The following YLPM1 variants were observed in gnomAD, a reference collection of about 807,000 sequenced individuals.
YLPM1 encodes YLP motif-containing protein 1.
A neutral mutation model predicts 230.0 loss-of-function variants in YLPM1; 99 were observed. That is an observed-to-expected ratio of 0.43 (90% CI 0.37 to 0.51). YLPM1 has a LOEUF of 0.51. Ranked by LOEUF, YLPM1 falls within the 20% of genes least tolerant of loss-of-function variation. The pLI is 0.00. For synonymous variants in YLPM1, 984 were observed against 942.5 expected (o/e 1.04, Z -0.81); for missense variants, 2,592 against 2,707.7 (o/e 0.96, Z 0.95).
chr14:74,816,921 G>A lies in YLPM1; in HGVS notation c.5686-10G>A. 6.5e-7 allele frequency: 1 copy of A among 1,547,368 alleles called. No homozygotes were observed. Among genetic ancestry groups the A allele is most frequent in the Non-Finnish European group, 8.7e-7 (1 of 1,152,590 alleles). ...TTTGCTAATTCCATATCTCTTTTGG[G>A]GGACCTTAGGTAATGGAATATGAAT... On this transcript the variant is annotated splice_polypyrimidine_tract_variant and intron_variant, in intron 13 of 20. Coordinates refer to ENST00000325680, the MANE Select transcript of YLPM1 (RefSeq NM_019589.3).
intron 1 of YLPM1, among the ~76,000 whole-genome samples, chr14:74,764,817 C>G (rs1417699727): frequency 6.6e-6 from 1 of 152,146 alleles, no homozygotes; most frequent in Non-Finnish European, 1.5e-5. Flanking sequence ...AAAAATATTA[C>G]TTAGGGGCCA....
chr14:74,787,551 CAG>C (rs1029885650), intron 4 of YLPM1, among the ~76,000 whole-genome samples: 1 of 149,088 alleles, frequency 6.7e-6, no homozygotes, highest in African/African-American at 2.5e-5. Flanking sequence ...GACAGAGTGA[CAG>C]AGCGAGAACG....
At chr14:74,767,383 C>G (rs879901894) in intron 1 of YLPM1, among the ~76,000 whole-genome samples, 1 of 152,132 alleles carries the variant, frequency 6.6e-6, no homozygotes, top group Non-Finnish European at 1.5e-5. Flanking sequence ...ACAGTCTGTT[C>G]CCAAACAATG....
chr14:74,833,608 A>G (rs1308225525), intron 19 of YLPM1, among the ~76,000 whole-genome samples: 1 of 152,214 alleles, frequency 6.6e-6, no homozygotes, highest in East Asian at 1.9e-4. Flanking sequence ...GAATGCCCAA[A>G]GATTTTTCTA....
chr14:74,791,947 T>C (rs1226998866), intron 4 of YLPM1, among the ~76,000 whole-genome samples: 3 of 152,240 alleles, frequency 2.0e-5, no homozygotes, highest in South Asian at 4.1e-4. Context: ...TCATGGACTC[T>C]TGTACATTGT....
intron 11 of YLPM1, among the ~76,000 whole-genome samples, chr14:74,814,357 T>G (rs560144676): frequency 6.6e-6 from 1 of 152,298 alleles, no homozygotes; most frequent in Non-Finnish European, 1.5e-5. Flanking sequence ...CGAGACTCCG[T>G]CTTTAAAAAA....
In YLPM1 at chr14:74,764,246, C is replaced by G; in HGVS notation, c.757C>G (p.Pro253Ala). Reference protein sequence around the residue: ...QLLAPPPPSAPPGNKTTVQQE... With the variant: ...QLLAPPPPSAAPGNKTTVQQE... ...ACTAGCTCCACCACCACCGTCCGCC[C>G]CCCCTGGAAATAAGACAACTGTCCA... The change falls in exon 1 of 21, where the codon CCC (proline) becomes GCC (alanine). Residue 253 changes from proline (P) to alanine (A), a missense_variant. Around this residue, in one of 4 missense-constraint regions of YLPM1, gnomAD observed 1,862 missense variants for 1,819.8 expected, o/e 1.02. Transcript: ENST00000325680. 7 of 1,613,922 alleles carry G rather than the reference C, an allele frequency of 4.3e-6. No homozygotes were observed. Among genetic ancestry groups the G allele is most frequent in the Non-Finnish European group, 5.9e-6 (7 of 1,179,870 alleles).
At chr14:74,828,787 A>G (rs2091586434) in intron 18 of YLPM1, among the ~76,000 whole-genome samples, 1 of 152,194 alleles carries the variant, frequency 6.6e-6, no homozygotes, top group South Asian at 2.1e-4. Flanking sequence ...CCTGCTTTTC[A>G]TATGACACAG....
In YLPM1 at chr14:74,797,092, C is replaced by T. The variant is rs144954251; in HGVS notation, c.2283-488C>T. Among the ~76,000 whole-genome samples, 1,015 of 149,992 alleles carry T rather than the reference C, an allele frequency of 6.8e-3. 17 individuals carry two copies. Among genetic ancestry groups the T allele is most frequent in the African/African-American group, 0.023 (937 of 40,976 alleles). ...GTTCAAGTGATTCTCCTGCCTCAGC[C>T]TCCCAAGCAGCTGGGATTTGCAGGC... On this transcript the variant is annotated intron_variant, in intron 4 of 20. Coordinates refer to ENST00000325680, the MANE Select transcript of YLPM1 (RefSeq NM_019589.3).
rs2091081508 is a variant in YLPM1 at position 74,780,422 on chromosome 14, A to T, written c.1128A>T (p.Glu376Asp). 13 of 1,612,996 alleles carry T rather than the reference A, an allele frequency of 8.1e-6. No homozygotes were observed. Among genetic ancestry groups the T allele is most frequent in the Non-Finnish European group, 1.0e-5 (12 of 1,179,388 alleles). ...ATCTTTAGTCTGAGGACCCAGAAGA[A>T]GATGCCAGGTTAAAGCAGTTGCAGG... ...PEEPQSEDPE[E>D]DARLKQLQAA... is the part of the protein sequence containing the mutation. The change falls in exon 3 of 21, where the codon GAA becomes GAT. Residue 376 changes from glutamate (E) to aspartate (D), a missense_variant. By Grantham distance (45) the Glu-to-Asp change is conservative. Around this residue, in one of 4 missense-constraint regions of YLPM1, gnomAD observed 1,862 missense variants for 1,819.8 expected, o/e 1.02. Coordinates refer to ENST00000325680, the MANE Select transcript of YLPM1 (RefSeq NM_019589.3).
intron 4 of YLPM1, among the ~76,000 whole-genome samples, chr14:74,790,798 A>G (rs1294326249): frequency 6.6e-6 from 1 of 152,208 alleles, no homozygotes; most frequent in Non-Finnish European, 1.5e-5. Context: ...GTATTTCATT[A>G]TATTTAAAGG....
rs766956678 is a variant in YLPM1, at chr14:74,818,270, C to T, written c.5986C>T (p.Arg1996Cys). The stretch of plus-strand genomic sequence containing the variant: ...GGAAACTGCACCTCGTCACATGATG[C>T]GTCTAGATATTCGTTCTTTGCTGCA... ...HWETAPRHMMRLDIRSLLQDA... is the reference protein window; with the variant it reads ...HWETAPRHMMCLDIRSLLQDA... The change falls in exon 16 of 21, where the codon CGT (arginine) becomes TGT (cysteine). Residue 1996 changes from arginine to cysteine, a missense_variant. This residue lies in a region of YLPM1 where 315 missense variants were observed against 429.3 expected (regional missense o/e 0.73). Coordinates refer to ENST00000325680, the MANE Select transcript of YLPM1 (RefSeq NM_019589.3). The T allele has an allele frequency of 6.9e-6, 11 of 1,605,370 alleles. No individual in the cohort carries two copies. Among genetic ancestry groups the T allele is most frequent in the African/African-American group, 5.3e-5 (4 of 74,884 alleles).
chr14:74,825,257 C>A (rs538333446), intron 18 of YLPM1, among the ~76,000 whole-genome samples: 43 of 152,114 alleles, frequency 2.8e-4, no homozygotes, highest in Admixed American at 4.6e-4. Context: ...ATTTTACATG[C>A]AATTACATAA....
chr14:74,811,817 T>A, intron 10 of YLPM1, 79 bp downstream of exon 10: 2 of 1,044,938 alleles, frequency 1.9e-6, no homozygotes, highest in South Asian at 1.9e-5. Flanking sequence ...GCTATGAATT[T>A]AAACTTTTAG....
intron 1 of YLPM1, among the ~76,000 whole-genome samples, chr14:74,772,779 G>A (rs553850119): frequency 6.6e-6 from 1 of 152,296 alleles, no homozygotes; most frequent in Non-Finnish European, 1.5e-5. Flanking sequence ...TATCTGATAT[G>A]ATGGGACATT....
Position 74,835,834 on chromosome 14 carries a change from T to C in YLPM1, c.*96T>C. 4.4e-6 allele frequency: 2 copies of C among 456,914 alleles called. No homozygotes were observed. The highest frequency in any genetic ancestry group is 1.5e-5 in the South Asian group (1 of 64,558). The allele number at this position is 456,914 out of a possible 1,614,324, so 28.3% of individuals were successfully genotyped here. On this transcript the variant is annotated 3_prime_UTR_variant, in exon 21 of 21. Coordinates refer to ENST00000325680, the MANE Select transcript of YLPM1 (RefSeq NM_019589.3). ...TCGCGGAGCTTCTTTGTGTGTCACC[T>C]TGCTTCCACGTTTCAGTTCTTGTTT... is the stretch of plus-strand genomic sequence containing the variant.
chr14:74,793,220 C>T (rs909964612), intron 4 of YLPM1, among the ~76,000 whole-genome samples: 1 of 152,104 alleles, frequency 6.6e-6, no homozygotes, highest in Non-Finnish European at 1.5e-5. Flanking sequence ...AGATTGGAAT[C>T]TCTTAACTTT....
In YLPM1 at chr14:74,798,964, A is replaced by G. The variant is rs746137267; in HGVS notation, c.3667A>G (p.Arg1223Gly). The G allele has an allele frequency of 3.1e-6, 5 of 1,613,896 alleles. No individual in the cohort carries two copies. The highest frequency in any genetic ancestry group is 4.2e-6 in the Non-Finnish European group (5 of 1,179,828). ...MERERLDDWD[R>G]ERYWRECERD... ...ACGAGAAAGACTCGATGACTGGGAT[A>G]GAGAGAGATACTGGAGAGAATGTGA... Residue 1223 changes from arginine (R) to glycine (G), a missense_variant, in exon 5 of 21, where the codon AGA (arginine) becomes GGA (glycine). By Grantham distance (125) the Arg-to-Gly change is moderately radical. Transcript: ENST00000325680.
chr14:74,824,629 T>A (rs1202826594), intron 18 of YLPM1, among the ~76,000 whole-genome samples: 2 of 152,082 alleles, frequency 1.3e-5, no homozygotes, highest in African/African-American at 4.8e-5. Context: ...ATTTCTTTTT[T>A]AAAGAATATT....
Sources: gnomAD v4.1 joint callset for allele counts (sites outside exome capture counted in the v4.1 genomes callset) on GRCh38, gnomAD v4.1.1 for gene constraint, gnomAD v4.1.1 regional missense constraint, MANE v1.5 for transcripts, NCBI Gene and HGNC (gene_info 2026-07-23, HGNC 2026-07-21) for gene names.